NHERF2: variants seen among roughly 807,000 people sequenced by gnomAD.
The protein encoded by NHERF2 is NHERF family PDZ scaffold protein 2.
chr16:2,036,585 G>C, the NHERF2 span: 1 of 1,516,334 alleles, frequency 6.6e-7, no homozygotes, highest in Non-Finnish European at 8.9e-7. Context: ...AGGGAGGAGG[G>C]AGACGCTGGG....
chr16:2,027,346 C>G, the NHERF2 span: 1 of 448,142 alleles, frequency 2.2e-6, no homozygotes, highest in South Asian at 8.5e-5. Context: ...CGGGAGGCAG[C>G]GGCCCGGCGC....
the NHERF2 span, chr16:2,038,155 G>GGGGCCTGT: frequency 2.6e-6 from 2 of 757,544 alleles, no homozygotes; most frequent in Admixed American, 5.6e-5. Context: ...CCAGGTACTG[G>GGGGCCTGT]GGGCCTGTGG....
At chr16:2,034,938 G>A in the NHERF2 span, among the ~76,000 whole-genome samples, 2 of 152,226 alleles carry the variant, frequency 1.3e-5, no homozygotes, top group South Asian at 2.1e-4. Context: ...AGGTGTGTCT[G>A]GGGGAGGAGT....
chr16:2,038,399 GACCCCCCCCCT>G, the NHERF2 span: 5 of 372,284 alleles, frequency 1.3e-5, no homozygotes, highest in Admixed American at 4.1e-5. Flanking sequence ...TAATACCAGA[GACCCCCCCCCT>G]TCCCCTCCCC....
chr16:2,036,895 C>T, the NHERF2 span: 2 of 1,600,526 alleles, frequency 1.2e-6, no homozygotes, highest in Non-Finnish European at 1.7e-6. Flanking sequence ...GGCCACGGCC[C>T]AGGGCACAGG....
the NHERF2 span, among the ~76,000 whole-genome samples, chr16:2,034,377 C>G: frequency 5.7e-5 from 6 of 104,532 alleles, no homozygotes; most frequent in South Asian, 4.5e-4. Flanking sequence ...CCTGTCCCCA[C>G]GCCTTCCCTC....
At chr16:2,037,801 A>G in the NHERF2 span, 1 of 1,564,684 alleles carries the variant, frequency 6.4e-7, no homozygotes, top group Admixed American at 1.9e-5. Context: ...CACTCCAGAC[A>G]CCCCACCCAC....
chr16:2,036,449 C>T, the NHERF2 span: 2 of 1,604,034 alleles, frequency 1.2e-6, no homozygotes, highest in South Asian at 1.1e-5. Context: ...GCTCTGTGGA[C>T]CCGGGCTCAC....
the NHERF2 span, chr16:2,036,827 A>G: frequency 6.2e-7 from 1 of 1,613,072 alleles, no homozygotes; most frequent in Non-Finnish European, 8.5e-7. Context: ...GGACCCCGAG[A>G]CAGATGAACA....
the NHERF2 span, among the ~76,000 whole-genome samples, chr16:2,030,488 C>G: frequency 6.6e-6 from 1 of 152,174 alleles, no homozygotes; most frequent in African/African-American, 2.4e-5. Flanking sequence ...GCGGCCTGCT[C>G]CACCTCCTGC....
chr16:2,031,248 G>A, the NHERF2 span, among the ~76,000 whole-genome samples: 3 of 152,192 alleles, frequency 2.0e-5, no homozygotes, highest in African/African-American at 7.2e-5. Flanking sequence ...GCTTGAGGGC[G>A]GGCCACAGTG....
chr16:2,036,044 C>T, the NHERF2 span: 46 of 459,070 alleles, frequency 1.0e-4, no homozygotes, highest in Non-Finnish European at 1.4e-4. Flanking sequence ...CCTGCCTGTG[C>T]GCCACGCTGG....
At chr16:2,027,357 C>T in the NHERF2 span, 2 of 437,508 alleles carry the variant, frequency 4.6e-6, no homozygotes, top group Non-Finnish European at 7.5e-6. Flanking sequence ...GGCCCGGCGC[C>T]TTCGGAGTCC....
chr16:2,036,256 C>T, the NHERF2 span: 1 of 1,475,500 alleles, frequency 6.8e-7, no homozygotes, highest in Non-Finnish European at 9.1e-7. Context: ...GTGGCGGCAC[C>T]ACCGGGGAGT....
At chr16:2,029,524 C>T in the NHERF2 span, 1 of 1,474,786 alleles carries the variant, frequency 6.8e-7, no homozygotes, top group Non-Finnish European at 9.3e-7. Flanking sequence ...GGTGCCACTG[C>T]CCATGTGCTG....
chr16:2,033,695 G>T, the NHERF2 span, among the ~76,000 whole-genome samples: 1 of 152,126 alleles, frequency 6.6e-6, no homozygotes, highest in African/African-American at 2.4e-5. Flanking sequence ...CAGGGAGGGA[G>T]CCTGGAGCCC....
chr16:2,035,180 G>C, the NHERF2 span, among the ~76,000 whole-genome samples: 2 of 152,166 alleles, frequency 1.3e-5, no homozygotes, highest in Admixed American at 6.5e-5. Flanking sequence ...ACCAAGGGCA[G>C]GTCCTGAGCC....
the NHERF2 span, chr16:2,037,567 A>G: frequency 1.2e-6 from 2 of 1,612,574 alleles, no homozygotes; most frequent in Non-Finnish European, 1.7e-6. Context: ...GCTCGTCCCG[A>G]AGTGACCTGC....
At chr16:2,032,943 A>T in the NHERF2 span, 1 of 1,086,282 alleles carries the variant, frequency 9.2e-7, no homozygotes, top group Admixed American at 4.9e-5. The surrounding 1 kb of genome is among the most constrained non-coding windows in gnomAD (Gnocchi z 4.0). Flanking sequence ...GTTCTGCGGG[A>T]GGCGGCTGTG....
Sources: gnomAD v4.1 joint callset for allele counts (sites outside exome capture counted in the v4.1 genomes callset) on GRCh38, gnomAD v4.1.1 for gene constraint, Gnocchi (gnomAD v3.1) non-coding constraint, MANE v1.5 for transcripts, NCBI Gene and HGNC (gene_info 2026-07-23, HGNC 2026-07-21) for gene names.